Variants in BZW2 observed in about 807,000 individuals in gnomAD.
BZW2 encodes eIF5-mimic protein 1.
In BZW2, 23 loss-of-function variants were observed where a neutral mutation model predicts 53.2. The observed-to-expected ratio is 0.43, with a 90% CI of 0.31 to 0.61. The LOEUF (loss-of-function observed/expected upper bound fraction) is 0.61, where lower values mean the gene tolerates loss of function less well. BZW2 is among the 20% of genes least tolerant of loss of function. BZW2 has a pLI of 0.09. For synonymous variants in BZW2, 227 were observed against 186.4 expected (o/e 1.22, Z -1.77); for missense variants, 409 against 503.1 (o/e 0.81, Z 1.79).
chr7:16,659,201 A>T (rs1782192253), intron 1 of BZW2, among the ~76,000 whole-genome samples: 1 of 152,158 alleles, frequency 6.6e-6, no homozygotes, highest in Non-Finnish European at 1.5e-5. Context: ...TATCTACCTT[A>T]TAAAGAGTTA....
At chr7:16,681,195 A>G in intron 3 of BZW2, 106 bp from the exon 4 acceptor site, 1 of 860,150 alleles carries the variant, frequency 1.2e-6, no homozygotes, top group Non-Finnish European at 1.8e-6. Context: ...CTTAGATTTT[A>G]CATCTACTTT....
intron 10 of BZW2, among the ~76,000 whole-genome samples, chr7:16,701,506 G>T (rs1468919573): frequency 6.6e-6 from 1 of 152,016 alleles, no homozygotes; most frequent in Non-Finnish European, 1.5e-5. Flanking sequence ...AATTATTTTT[G>T]ACTTGTGTCC....
rs1340728852 is a variant in BZW2, at chr7:16,674,598, G to A, written c.235+10G>A. ...GCTGGCAGTATGCTTGGTAAACCAT[G>A]CATTATCGCTTCTTGTAGTATATTT... is the stretch of plus-strand genomic sequence containing the variant. On this transcript the variant is annotated intron_variant, in intron 3 of 11. Coordinates refer to ENST00000258761, the MANE Select transcript of BZW2 (RefSeq NM_014038.3). 1.9e-6 allele frequency: 3 copies of A among 1,554,984 alleles called. No homozygotes were observed. Among genetic ancestry groups the A allele is most frequent in the Non-Finnish European group, 2.6e-6 (3 of 1,149,868 alleles).
chr7:16,685,863 T>TC (rs765768219), intron 5 of BZW2, 42 bp from the exon 6 acceptor site: 40 of 1,476,856 alleles, frequency 2.7e-5, no homozygotes, highest in East Asian at 2.5e-4. Context: ...CCTTTTTTTT[T>TC]CTTTTTCTTT....
intron 2 of BZW2, among the ~76,000 whole-genome samples, chr7:16,669,694 C>T (rs2128356333): frequency 6.6e-6 from 1 of 152,278 alleles, no homozygotes; most frequent in South Asian, 2.1e-4. Flanking sequence ...GTAGTTCCCA[C>T]AGTAAGCAAG....
intron 10 of BZW2, among the ~76,000 whole-genome samples, chr7:16,701,030 A>G (rs892204641): frequency 1.6e-4 from 25 of 152,184 alleles, no homozygotes; most frequent in African/African-American, 5.3e-4. Context: ...TGGCAAATCT[A>G]ATTACTTAAT....
Position 16,694,980 on chromosome 7 carries a change from T to C in BZW2, c.798T>C (p.Leu266=), listed in dbSNP as rs150500491. 3 of 1,586,756 alleles carry C rather than the reference T, an allele frequency of 1.9e-6. No individual in the cohort carries two copies. Among genetic ancestry groups the C allele is most frequent in the Non-Finnish European group, 2.6e-6 (3 of 1,158,806 alleles). ...TGCAGAAGGAGCTCCAGGAGCGTCT[T>C]TCTCAGGAATGCCCGATCAAGGAGG... The part of the protein sequence containing the change: ...KELQKELQER[L]SQECPIKEVV... Residue 266 remains leucine, a synonymous_variant, in exon 8 of 12, where the codon CTT becomes CTC. Transcript: ENST00000258761.
chr7:16,646,567 G>A (rs965098824), intron 1 of BZW2, among the ~76,000 whole-genome samples: 4 of 152,242 alleles, frequency 2.6e-5, no homozygotes, highest in Admixed American at 2.0e-4. Context: ...CAGCCACGCG[G>A]TGGGAAGTGG....
intron 5 of BZW2, among the ~76,000 whole-genome samples, chr7:16,685,529 GA>G (rs1259688517): frequency 4.0e-5 from 6 of 151,786 alleles, no homozygotes. Context: ...CAAGGAAGTG[GA>G]AAAACTTGAA....
intron 1 of BZW2, among the ~76,000 whole-genome samples, chr7:16,648,229 A>G (rs1450790742): frequency 1.3e-5 from 2 of 152,212 alleles, no homozygotes; most frequent in South Asian, 4.1e-4. Context: ...ACATCAAAGA[A>G]GTTTTATTGA....
intron 5 of BZW2, 25 bp from the exon 6 acceptor site, chr7:16,685,876 CTTTT>C (rs34699573): frequency 0.01 from 12,856 of 1,251,598 alleles, no homozygotes; most frequent in East Asian, 0.018. Context: ...TTTTCTTTTT[CTTTT>C]TTTTTTTTTT....
intron 8 of BZW2, 107 bp downstream of exon 8, chr7:16,695,111 GTAAACT>G (rs1562495963): frequency 9.3e-7 from 1 of 1,071,224 alleles, no homozygotes; most frequent in East Asian, 2.6e-5. Flanking sequence ...GCTTATTGCT[GTAAACT>G]TTGTCCACTT....
At position 16,706,085 on chromosome 7, in the gene BZW2, T is replaced by A. The variant is rs778349274; in HGVS notation, c.1257T>A (p.Asn419Lys). The A allele has an allele frequency of 1.2e-6, 2 of 1,613,580 alleles. No homozygotes were observed. The highest frequency in any genetic ancestry group is 4.5e-5 in the East Asian group (2 of 44,832). Residue 419 changes from asparagine (N) to lysine (K), a missense_variant, in exon 12 of 12, where the codon AAT becomes AAA. This residue lies in a region of BZW2 where 88 missense variants were observed against 114.6 expected (regional missense o/e 0.77). Coordinates refer to ENST00000258761, the MANE Select transcript of BZW2 (RefSeq NM_014038.3). ...AATCCGAATCGGAAGGTGAGGAAAA[T>A]TAAATGGCTCAACAAGCACAATACC... ...EEESESEGEEN is the reference protein window; with the variant it reads ...EEESESEGEEK
intron 10 of BZW2, among the ~76,000 whole-genome samples, chr7:16,701,112 T>C (rs1444705768): frequency 1.3e-5 from 2 of 152,140 alleles, no homozygotes; most frequent in East Asian, 3.8e-4. Context: ...ATAAACTAAA[T>C]AATGCTAGTC....
chr7:16,656,479 A>T (rs1004403451), intron 1 of BZW2, among the ~76,000 whole-genome samples: 7 of 151,854 alleles, frequency 4.6e-5, no homozygotes, highest in East Asian at 1.9e-4. Flanking sequence ...TTATATTTTT[A>T]AAAAAATTTA....
chr7:16,660,058 C>T (rs991357172), intron 1 of BZW2, among the ~76,000 whole-genome samples: 9 of 151,846 alleles, frequency 5.9e-5, no homozygotes, highest in African/African-American at 1.9e-4. Context: ...GTTCAGTTCC[C>T]ACCTATGAGT....
chr7:16,680,385 ATATACTTTGGAAAGAACCAGACT>A (rs1356008957), intron 3 of BZW2, among the ~76,000 whole-genome samples: 1 of 152,208 alleles, frequency 6.6e-6, no homozygotes, highest in Non-Finnish European at 1.5e-5. Flanking sequence ...ATGATTAAGA[ATATACTTTGGAAAGAACCAGACT>A]TATAGTGACA....
chr7:16,701,733 A>G (rs1212012156), intron 10 of BZW2, among the ~76,000 whole-genome samples: 2 of 152,188 alleles, frequency 1.3e-5, no homozygotes, highest in Non-Finnish European at 2.9e-5. Flanking sequence ...TATTCCTTAA[A>G]CGTGTGTTGA....
At chr7:16,669,214 C>T (rs865943875) in intron 2 of BZW2, among the ~76,000 whole-genome samples, 2 of 152,242 alleles carry the variant, frequency 1.3e-5, no homozygotes, top group African/African-American at 4.8e-5. Flanking sequence ...CAGCCTCTCC[C>T]TCCCAGATTC....
Sources: gnomAD v4.1 joint callset for allele counts (sites outside exome capture counted in the v4.1 genomes callset) on GRCh38, gnomAD v4.1.1 for gene constraint, gnomAD v4.1.1 regional missense constraint, MANE v1.5 for transcripts, NCBI Gene and HGNC (gene_info 2026-07-23, HGNC 2026-07-21) for gene names.